The following CDH9 variants were observed in gnomAD, a reference collection of about 807,000 sequenced individuals.
The protein encoded by CDH9 is cadherin-9.
In CDH9, 28 loss-of-function variants were observed where a neutral mutation model predicts 70.9. That is an observed-to-expected ratio of 0.40 (90% confidence interval 0.29 to 0.54). The LOEUF is 0.54. CDH9 is among the 20% of genes least tolerant of loss of function. The pLI, the probability that CDH9 is intolerant of heterozygous loss-of-function variation, is 0.59. For synonymous variants in CDH9, 409 were observed against 343.1 expected (o/e 1.19, Z -2.12); for missense variants, 874 against 984.4 (o/e 0.89, Z 1.50).
At chr5:26,961,943 A>G (rs578131499) in intron 2 of CDH9, among the ~76,000 whole-genome samples, 1 of 152,086 alleles carries the variant, frequency 6.6e-6, no homozygotes, top group African/African-American at 2.4e-5. Context: ...CATCATTTAC[A>G]TTAGGTATTT....
intron 1 of CDH9, among the ~76,000 whole-genome samples, chr5:27,036,530 A>G (rs1054170664): frequency 1.3e-5 from 2 of 151,962 alleles, no homozygotes; most frequent in African/African-American, 4.8e-5. Flanking sequence ...ACTATCAAAT[A>G]CTGTAATAAA....
At chr5:26,939,332 C>T (rs1040626293) in intron 2 of CDH9, among the ~76,000 whole-genome samples, 11 of 151,470 alleles carry the variant, frequency 7.3e-5, no homozygotes, top group Non-Finnish European at 1.2e-4. Flanking sequence ...CAAAAACAAA[C>T]ACTAATTGAA....
At chr5:26,907,093 A>C (rs1392453260) in intron 3 of CDH9, among the ~76,000 whole-genome samples, 1 of 152,176 alleles carries the variant, frequency 6.6e-6, no homozygotes, top group Non-Finnish European at 1.5e-5. Flanking sequence ...TAATAAGACT[A>C]ATTAATGCAT....
intron 1 of CDH9, among the ~76,000 whole-genome samples, chr5:27,009,601 G>T (rs1449419202): frequency 1.3e-5 from 2 of 152,096 alleles, no homozygotes; most frequent in African/African-American, 4.8e-5. Context: ...CAGCACCAAA[G>T]AAGGCAATGG....
At position 26,902,649 on chromosome 5, in the gene CDH9, G is replaced by A; in HGVS notation, c.1080C>T (p.His360=). 6.3e-7 allele frequency: 1 copy of A among 1,591,858 alleles called. No homozygotes were observed. Among genetic ancestry groups the A allele is most frequent in the Non-Finnish European group, 8.6e-7 (1 of 1,160,164 alleles). Residue 360 remains histidine, a synonymous_variant, in exon 7 of 12, where the codon CAC becomes CAT. Transcript: ENST00000231021. ...SNTHPDPRFL[H]LGPFKDTAVV... is the part of the protein sequence containing the mutation. ...CAGCTGTATCTTTGAAAGGTCCCAG[G>A]TGTAAGAATCGTGGATCAGGGTGAG... is the stretch of plus-strand genomic sequence containing the variant.
chr5:26,996,319 G>T (rs1241642468), intron 1 of CDH9, among the ~76,000 whole-genome samples: 4 of 151,842 alleles, frequency 2.6e-5, no homozygotes, highest in Non-Finnish European at 5.9e-5. Context: ...GTGTGATACG[G>T]TCATATAATT....
chr5:26,902,904 T>C (rs1740881905), intron 6 of CDH9, 175 bp from the exon 7 acceptor site: 1 of 542,768 alleles, frequency 1.8e-6, no homozygotes, highest in South Asian at 2.5e-5. Context: ...TGCCATACAC[T>C]TATTCACAGA....
intron 2 of CDH9, among the ~76,000 whole-genome samples, chr5:26,972,853 T>C (rs2112075099): frequency 6.7e-6 from 1 of 148,240 alleles, no homozygotes; most frequent in South Asian, 2.1e-4. Context: ...AGCAAAGTAA[T>C]AGTAAACTCA....
rs540826634 is a variant in CDH9 at position 26,973,254 on chromosome 5, T to G, written c.228+14852A>C. 2.0e-5 allele frequency among the ~76,000 whole-genome samples: 3 copies of G among 152,236 alleles called. No homozygotes were observed. In the South Asian group the frequency reaches 6.2e-4, roughly 32 times the overall value. On this transcript the variant is annotated intron_variant, in intron 2 of 11. Transcript: ENST00000231021. Reference sequence around the variant, plus strand: ...TGATTACTGGAGCTCTAAAATTGACTACTGAATGTGCTCTCTATACCAGAT... The same window carrying G: ...TGATTACTGGAGCTCTAAAATTGACGACTGAATGTGCTCTCTATACCAGAT...
intron 2 of CDH9, among the ~76,000 whole-genome samples, chr5:26,960,212 C>G (rs959789787): frequency 4.6e-5 from 7 of 151,888 alleles, no homozygotes; most frequent in African/African-American, 1.7e-4. Context: ...TAGCAATGAC[C>G]TCGGACACTG....
At chr5:26,978,186 A>C (rs1298465529) in intron 2 of CDH9, among the ~76,000 whole-genome samples, 1 of 151,808 alleles carries the variant, frequency 6.6e-6, no homozygotes. Context: ...AATAAAAAAA[A>C]GATAGTGAAT....
intron 2 of CDH9, among the ~76,000 whole-genome samples, chr5:26,935,638 A>G (rs1741545509): frequency 6.6e-6 from 1 of 152,186 alleles, no homozygotes; most frequent in African/African-American, 2.4e-5. Context: ...AACAGGGAAT[A>G]CTTTTAAACT....
At chr5:26,994,627 G>A (rs1242077284) in intron 1 of CDH9, among the ~76,000 whole-genome samples, 1 of 152,056 alleles carries the variant, frequency 6.6e-6, no homozygotes, top group Non-Finnish European at 1.5e-5. Flanking sequence ...CTGTAAACCA[G>A]AAAGAGTGCT....
chr5:26,975,035 A>T (rs1484232277), intron 2 of CDH9, among the ~76,000 whole-genome samples: 1 of 152,166 alleles, frequency 6.6e-6, no homozygotes, highest in Non-Finnish European at 1.5e-5. Context: ...ATAGAATAAA[A>T]AAACAGAAAG....
intron 1 of CDH9, among the ~76,000 whole-genome samples, chr5:26,996,634 AT>A (rs1742669912): frequency 6.6e-6 from 1 of 151,840 alleles, no homozygotes. Context: ...ATTTTTTCTT[AT>A]TAATTAATAG....
chr5:26,997,554 G>A (rs1742687712), intron 1 of CDH9, among the ~76,000 whole-genome samples: 1 of 152,110 alleles, frequency 6.6e-6, no homozygotes, highest in African/African-American at 2.4e-5. Flanking sequence ...TACCTTATGA[G>A]CAAATCATTT....
intron 2 of CDH9, among the ~76,000 whole-genome samples, chr5:26,986,855 G>C (rs577643705): frequency 1.3e-5 from 2 of 152,062 alleles, no homozygotes; most frequent in South Asian, 4.1e-4. Flanking sequence ...GAAATAACAG[G>C]CAAAAAGGAA....
chr5:26,973,181 T>C, intron 2 of CDH9, among the ~76,000 whole-genome samples: 1 of 152,204 alleles, frequency 6.6e-6, no homozygotes, highest in African/African-American at 2.4e-5. Context: ...GATTTTTATC[T>C]GACTTGGAAG....
chr5:27,014,563 T>G (rs1453425232), intron 1 of CDH9, among the ~76,000 whole-genome samples: 1 of 151,978 alleles, frequency 6.6e-6, no homozygotes, highest in African/African-American at 2.4e-5. Flanking sequence ...AGGTGTTTCC[T>G]TTCTAAAAAC....
Sources: gnomAD v4.1 joint callset for allele counts (sites outside exome capture counted in the v4.1 genomes callset) on GRCh38, gnomAD v4.1.1 for gene constraint, MANE v1.5 for transcripts, NCBI Gene and HGNC (gene_info 2026-07-23, HGNC 2026-07-21) for gene names.